The following MINDY4 variants were observed in gnomAD, a reference collection of about 807,000 sequenced individuals.
The protein encoded by MINDY4 is MINDY lysine 48 deubiquitinase 4, also known as probable ubiquitin carboxyl-terminal hydrolase MINDY-4.
A neutral mutation model predicts 87.0 loss-of-function variants in MINDY4; 68 were observed. The observed-to-expected ratio is 0.78, with a 90% CI of 0.64 to 0.96. The LOEUF (loss-of-function observed/expected upper bound fraction) is 0.96, where lower values mean the gene tolerates loss of function less well. Among genes scored for constraint, MINDY4 ranks in the 40% least tolerant of loss-of-function variants. The probability of loss-of-function intolerance (pLI) is 0.00; values close to 1 mark genes in which losing one functional copy is unlikely to be tolerated. For missense variants in MINDY4, 919 were observed against 928.2 expected, an observed-to-expected ratio of 0.99 and a Z score of 0.13; for synonymous variants, 379 against 363.2, an observed-to-expected ratio of 1.04 and a Z score of -0.50.
chr7:30,850,782 G>A (rs1375009366), intron 10 of MINDY4, among the ~76,000 whole-genome samples: 1 of 152,190 alleles, frequency 6.6e-6, no homozygotes, highest in Non-Finnish European at 1.5e-5. Flanking sequence ...CAGTTCTCAT[G>A]TTGGAAGGCG....
intron 1 of MINDY4, among the ~76,000 whole-genome samples, chr7:30,775,797 C>T (rs1562527015): frequency 6.6e-6 from 1 of 152,164 alleles, no homozygotes; most frequent in Admixed American, 6.5e-5. Flanking sequence ...GAACCTGGGA[C>T]ACAGAACAAA....
chr7:30,824,623 GTAGTGGCTTGCGTGATCA>G (rs1447506454), intron 5 of MINDY4, among the ~76,000 whole-genome samples: 2 of 151,990 alleles, frequency 1.3e-5, no homozygotes, highest in Non-Finnish European at 2.9e-5. Flanking sequence ...TTTTTTAGAG[GTAGTGGCTTGCGTGATCA>G]TAGCTCACTG....
At chr7:30,863,832 C>T (rs1019302369) in intron 13 of MINDY4, among the ~76,000 whole-genome samples, 10 of 152,336 alleles carry the variant, frequency 6.6e-5, no homozygotes, top group Non-Finnish European at 1.2e-4. Flanking sequence ...TCTAAGATCT[C>T]GAATTGCTTC....
Position 30,882,955 on chromosome 7 carries a change from C to T in MINDY4, c.2187C>T (p.Asn729=), listed in dbSNP as rs200913656. 3.3e-5 allele frequency: 53 copies of T among 1,614,012 alleles called. No individual in the cohort carries two copies. The highest frequency in any genetic ancestry group is 8.3e-5 in the Admixed American group (5 of 59,994). The change falls in exon 17 of 18, where the codon AAC becomes AAT. Residue 729 remains asparagine, a synonymous_variant. Transcript: ENST00000265299. ...AAACCATCTCTGAGGACACAGACAACGACCTTGTCCCACCCCTCGAGCTCT... is the reference window on the plus strand; with the variant it reads ...AAACCATCTCTGAGGACACAGACAATGACCTTGTCCCACCCCTCGAGCTCT... ...TTQTISEDTD[N]DLVPPLELCI... is the part of the protein sequence containing the mutation.
chr7:30,859,859 C>T (rs1789696562), intron 13 of MINDY4, among the ~76,000 whole-genome samples: 1 of 152,158 alleles, frequency 6.6e-6, no homozygotes, highest in Non-Finnish European at 1.5e-5. Context: ...CCCCTTTTGG[C>T]AGGGTCTCTA....
intron 9 of MINDY4, among the ~76,000 whole-genome samples, chr7:30,843,515 C>T (rs1323456061): frequency 6.7e-6 from 1 of 149,734 alleles, no homozygotes; most frequent in African/African-American, 2.5e-5. Flanking sequence ...GGTTTCCCAA[C>T]AGTCAGGACA....
At chr7:30,846,649 T>A (rs1398075527) in intron 9 of MINDY4, among the ~76,000 whole-genome samples, 1 of 151,988 alleles carries the variant, frequency 6.6e-6, no homozygotes, top group Non-Finnish European at 1.5e-5. Context: ...GGGTGCAGGT[T>A]CTCACGCAGG....
chr7:30,869,775 C>T (rs371974120), intron 13 of MINDY4, among the ~76,000 whole-genome samples: 9 of 152,112 alleles, frequency 5.9e-5, no homozygotes, highest in Non-Finnish European at 1.0e-4. Flanking sequence ...TTTAAGGGGA[C>T]GCAGTTCATG....
intron 5 of MINDY4, among the ~76,000 whole-genome samples, chr7:30,816,156 C>T (rs139798914): frequency 5.9e-4 from 89 of 151,690 alleles, no homozygotes; most frequent in African/African-American, 2.0e-3. Context: ...CCAGAGGGAG[C>T]ATCCATTGAA....
intron 5 of MINDY4, among the ~76,000 whole-genome samples, chr7:30,814,728 C>T (rs866366326): frequency 3.9e-5 from 6 of 152,288 alleles, no homozygotes; most frequent in Middle Eastern, 3.4e-3. Flanking sequence ...AATATTTGCC[C>T]AGGGTCACTT....
At position 30,843,127 on chromosome 7, in the gene MINDY4, C is replaced by T. The variant is rs184332210; in HGVS notation, c.1445+2279C>T. On this transcript the variant is annotated intron_variant, in intron 9 of 17. Transcript: ENST00000265299. The stretch of plus-strand genomic sequence containing the variant: ...TGGTTCACAGCCAGGGCCCTGGCAT[C>T]CAGCCCTGTGTCTGGTCCACAGAAG... Among the ~76,000 whole-genome samples the T allele has an allele frequency of 2.4e-3, 367 of 152,358 alleles. 4 individuals carry two copies. The highest frequency in any genetic ancestry group is 1.5e-3 in the East Asian group (8 of 5,182).
chr7:30,850,691 C>A (rs997952621), intron 10 of MINDY4, 136 bp downstream of exon 10: 81 of 782,156 alleles, frequency 1.0e-4, no homozygotes, highest in Non-Finnish European at 1.4e-4. Flanking sequence ...GCCCTGCAAG[C>A]CAGCCTGATG....
At chr7:30,816,338 C>T (rs1021265096) in intron 5 of MINDY4, among the ~76,000 whole-genome samples, 1 of 152,120 alleles carries the variant, frequency 6.6e-6, no homozygotes, top group Admixed American at 6.5e-5. Context: ...GTTCCAGAAT[C>T]CAGCCTGACT....
In MINDY4 at chr7:30,882,924, C is replaced by T; in HGVS notation, c.2156C>T (p.Thr719Ile). The part of the protein sequence containing the change: ...QQEQIRLTID[T>I]TQTISEDTDN... Reference sequence around the variant, plus strand: ...GTGCCTCTCTCCTCCTTCCCAGACACCACCCAAACCATCTCTGAGGACACA... The same window carrying T: ...GTGCCTCTCTCCTCCTTCCCAGACATCACCCAAACCATCTCTGAGGACACA... Residue 719 changes from threonine to isoleucine, a missense_variant, in exon 17 of 18, where the codon ACC becomes ATC. Coordinates refer to ENST00000265299, the MANE Select transcript of MINDY4 (RefSeq NM_032222.3). 2 of 1,613,946 alleles carry T rather than the reference C, an allele frequency of 1.2e-6. No homozygotes were observed. The highest frequency in any genetic ancestry group is 1.1e-5 in the South Asian group (1 of 91,052).
chr7:30,855,282 A>G (rs1156772095), intron 12 of MINDY4, among the ~76,000 whole-genome samples: 3 of 152,192 alleles, frequency 2.0e-5, no homozygotes, highest in Non-Finnish European at 4.4e-5. Flanking sequence ...GAAGAACCTT[A>G]AACACTTGGA....
intron 13 of MINDY4, among the ~76,000 whole-genome samples, chr7:30,871,201 G>C (rs750834479): frequency 6.6e-6 from 1 of 152,162 alleles, no homozygotes; most frequent in African/African-American, 2.4e-5. Context: ...CTGGTCTCAC[G>C]TTGCCCCCCA....
intron 5 of MINDY4, among the ~76,000 whole-genome samples, chr7:30,819,618 C>T (rs569042471): frequency 5.3e-5 from 8 of 152,154 alleles, no homozygotes; most frequent in African/African-American, 1.4e-4. Context: ...AGTTTCTCCT[C>T]GTAGTTCTGT....
Position 30,830,693 on chromosome 7 carries a change from G to A in MINDY4, c.1132+1956G>A, listed in dbSNP as rs561411854. On this transcript the variant is annotated intron_variant, in intron 6 of 17. Coordinates refer to ENST00000265299, the MANE Select transcript of MINDY4 (RefSeq NM_032222.3). ...TCAGTTCCCTCCTATGACATGTGGG[G>A]ATGATGGGAACTACCATTCAAGATG... 2.9e-4 allele frequency among the ~76,000 whole-genome samples: 44 copies of A among 152,296 alleles called. No homozygotes were observed. In the South Asian group the frequency reaches 7.1e-3, roughly 24 times the overall value.
At chr7:30,791,037 A>AAG (rs1366665714) in intron 4 of MINDY4, 128 bp from the exon 5 acceptor site, 19 of 952,786 alleles carry the variant, frequency 2.0e-5, no homozygotes, top group Non-Finnish European at 2.5e-5. Flanking sequence ...TTTTAAGGGA[A>AAG]AGAGTCCGAG....
Sources: allele counts gnomAD v4.1 joint callset (sites outside exome capture counted in the v4.1 genomes callset), GRCh38; gene constraint gnomAD v4.1.1; transcripts MANE v1.5; gene names NCBI Gene and HGNC (gene_info 2026-07-23, HGNC 2026-07-21).